RBM34: variants seen among roughly 807,000 people sequenced by gnomAD.
The protein encoded by RBM34 is RNA-binding protein 34.
A neutral mutation model predicts 44.6 loss-of-function variants in RBM34; 39 were observed. The ratio of observed to expected loss-of-function variants is 0.87; its 90% CI spans 0.68 to 1.14. The LOEUF is 1.14. Among genes scored for constraint, RBM34 ranks in the 50% most tolerant of loss-of-function variants. The pLI, the probability that RBM34 is intolerant of heterozygous loss-of-function variation, is 0.00. For missense variants in RBM34, 572 were observed against 517.9 expected (o/e 1.10, Z -1.01); for synonymous variants, 194 against 184.0 (o/e 1.05, Z -0.44).
intron 5 of RBM34, among the ~76,000 whole-genome samples, chr1:235,152,258 A>C (rs1383097689): frequency 4.6e-5 from 7 of 152,216 alleles, no homozygotes; most frequent in Non-Finnish European, 7.3e-5. Context: ...ACTCACTTCT[A>C]TAAAGTTTTA....
At chr1:235,135,990 AT>A (rs1417853904) in intron 9 of RBM34, 43 bp downstream of exon 9, 107 of 1,446,952 alleles carry the variant, frequency 7.4e-5, no homozygotes, top group Admixed American at 1.4e-4. Flanking sequence ...TTTCCTTGTT[AT>A]TTATTTAGTA....
intron 3 of RBM34, among the ~76,000 whole-genome samples, chr1:235,159,436 T>G (rs1662596046): frequency 6.6e-6 from 1 of 150,586 alleles, no homozygotes; most frequent in South Asian, 2.1e-4. Context: ...TAGTCCCAGC[T>G]GCTCAGTAGG....
At position 235,131,483 on chromosome 1, in the gene RBM34, G is replaced by T. The variant is rs542697748; in HGVS notation, c.*230C>A. The T allele has an allele frequency of 8.5e-5, 38 of 448,818 alleles. 1 individual carries two copies. Among genetic ancestry groups the T allele is most frequent in the African/African-American group, 6.9e-4 (35 of 50,384 alleles). The allele number at this position is 448,818 out of a possible 1,614,324, so 27.8% of individuals were successfully genotyped here. On this transcript the variant is annotated 3_prime_UTR_variant, in exon 11 of 11. Coordinates refer to ENST00000408888, the MANE Select transcript of RBM34 (RefSeq NM_015014.4). ...AGATCACGCCACTGCACTCCAGCCT[G>T]GGAGACAACAGCCAAACTCCATCTC...
chr1:235,136,121 T>C (rs1254378168), intron 8 of RBM34, 48 bp from the exon 9 acceptor site: 3 of 1,514,098 alleles, frequency 2.0e-6, no homozygotes, highest in African/African-American at 2.8e-5. Context: ...GACCAGAAAA[T>C]GGAAGTCATC....
chr1:235,157,314 G>A (rs2102864409), intron 3 of RBM34, among the ~76,000 whole-genome samples: 1 of 152,250 alleles, frequency 6.6e-6, no homozygotes, highest in East Asian at 1.9e-4. Context: ...CGAAAAGGCA[G>A]ATTAAAGAGA....
chr1:235,159,882 AG>A (rs1437309406), intron 3 of RBM34, among the ~76,000 whole-genome samples: 1 of 151,388 alleles, frequency 6.6e-6, no homozygotes, highest in Non-Finnish European at 1.5e-5. Flanking sequence ...AAAAAAAAAA[AG>A]AAACGCAAAC....
chr1:235,142,094 G>T (rs991382535), intron 6 of RBM34, among the ~76,000 whole-genome samples: 1 of 152,094 alleles, frequency 6.6e-6, no homozygotes, highest in Non-Finnish European at 1.5e-5. Context: ...AGCTACCGGG[G>T]GAGAGGTGGG....
intron 5 of RBM34, among the ~76,000 whole-genome samples, chr1:235,148,757 C>T (rs900464324): frequency 3.3e-5 from 5 of 151,994 alleles, no homozygotes; most frequent in East Asian, 1.9e-4. Flanking sequence ...CGCCACCACG[C>T]CCGGCTAATT....
At chr1:235,151,738 GA>G (rs1372048478) in intron 5 of RBM34, among the ~76,000 whole-genome samples, 1 of 151,996 alleles carries the variant, frequency 6.6e-6, no homozygotes, top group Non-Finnish European at 1.5e-5. Context: ...AGAGCAATTA[GA>G]AACATGAAAA....
intron 6 of RBM34, among the ~76,000 whole-genome samples, chr1:235,141,187 T>C (rs1159101756): frequency 6.8e-6 from 1 of 148,082 alleles, no homozygotes. Flanking sequence ...ATCGACACTC[T>C]GTATCTAGCT....
chr1:235,138,231 C>T lies in RBM34; in HGVS notation c.702-57G>A, dbSNP rs1572145602. ...AAGAGAGACAAGGTAAATTTCTTAG[C>T]CTCAAAGTCACTAGAAAAAAATCTA... On this transcript the variant is annotated intron_variant, in intron 6 of 10. Coordinates refer to ENST00000408888, the MANE Select transcript of RBM34 (RefSeq NM_015014.4). 4.2e-6 allele frequency: 6 copies of T among 1,412,168 alleles called. No individual in the cohort carries two copies. In the Admixed American group the frequency reaches 1.4e-4, roughly 34 times the overall value. 87.5% of individuals were successfully genotyped at this position (1,412,168 alleles called of 1,614,324 possible). A position where few individuals can be genotyped will look rare whatever the true frequency, so the allele number is the denominator to read the frequency against.
intron 6 of RBM34, among the ~76,000 whole-genome samples, chr1:235,139,838 G>C (rs145761967): frequency 6.6e-6 from 1 of 152,168 alleles, no homozygotes; most frequent in African/African-American, 2.4e-5. Flanking sequence ...TACGATGGCC[G>C]AGCACAGGGG....
chr1:235,147,951 T>A (rs1401458360), intron 6 of RBM34, among the ~76,000 whole-genome samples: 1 of 151,738 alleles, frequency 6.6e-6, no homozygotes, highest in Non-Finnish European at 1.5e-5. Flanking sequence ...ACAAAAAAAA[T>A]CCCCTGAGCA....
chr1:235,159,378 C>T lies in RBM34; in HGVS notation c.365+1133G>A, dbSNP rs555342895. 1.6e-3 allele frequency among the ~76,000 whole-genome samples: 238 copies of T among 151,688 alleles called. 1 individual carries two copies. Among genetic ancestry groups the T allele is most frequent in the Middle Eastern group, 0.01 (3 of 292 alleles). The stretch of plus-strand genomic sequence containing the variant: ...CAGACTGGTCAATATGGTGACACCC[C>T]GTCTCTACTAAGAATACAAAAATCA... On this transcript the variant is annotated intron_variant, in intron 3 of 10. Transcript: ENST00000408888.
chr1:235,143,322 A>G (rs1381514514), intron 6 of RBM34, among the ~76,000 whole-genome samples: 3 of 152,272 alleles, frequency 2.0e-5, no homozygotes, highest in African/African-American at 4.8e-5. Context: ...AAGTTACAAT[A>G]TACCGTAAGA....
intron 6 of RBM34, among the ~76,000 whole-genome samples, chr1:235,147,155 CAA>C (rs1451500441): frequency 6.6e-6 from 1 of 152,118 alleles, no homozygotes; most frequent in East Asian, 1.9e-4. Context: ...CACTTGAGCC[CAA>C]AAGTTTAAGG....
At chr1:235,148,496 C>T (rs1662008881) in intron 5 of RBM34, 49 bp from the exon 6 acceptor site, 4 of 1,386,708 alleles carry the variant, frequency 2.9e-6, no homozygotes, top group Non-Finnish European at 4.0e-6. Flanking sequence ...GAAGTATTAC[C>T]TCAAATTAAT....
At chr1:235,150,732 G>C (rs949527171) in intron 5 of RBM34, among the ~76,000 whole-genome samples, 21 of 152,208 alleles carry the variant, frequency 1.4e-4, no homozygotes, top group African/African-American at 4.3e-4. Context: ...AAGTAAGACA[G>C]AGTATTTGTA....
In RBM34 at chr1:235,151,693, G is replaced by A. The variant is rs571335123; in HGVS notation, c.657+1013C>T. The stretch of plus-strand genomic sequence containing the variant: ...AGCCCAAAATGTCAACTGTATGGAG[G>A]TTGAGAAACTCTATTCCAGAGAATC... On this transcript the variant is annotated intron_variant, in intron 5 of 10. Transcript: ENST00000408888. Among the ~76,000 whole-genome samples, 3 of 152,214 alleles carry A rather than the reference G, an allele frequency of 2.0e-5. No individual in the cohort carries two copies. The East Asian group carries it at 5.8e-4, about 29-fold the overall frequency.
Sources: allele counts gnomAD v4.1 joint callset (sites outside exome capture counted in the v4.1 genomes callset), GRCh38; gene constraint gnomAD v4.1.1; transcripts MANE v1.5; gene names NCBI Gene and HGNC (gene_info 2026-07-23, HGNC 2026-07-21).